Variants in OPA1 observed in about 807,000 individuals in gnomAD.
The protein encoded by OPA1 is OPA1 mitochondrial dynamin like GTPase.
In OPA1, 59 loss-of-function variants were observed where a neutral mutation model predicts 152.9. The observed-to-expected ratio is 0.39, with a 90% CI of 0.31 to 0.48. The LOEUF (loss-of-function observed/expected upper bound fraction) is 0.48. Among genes scored for constraint, OPA1 ranks in the 20% least tolerant of loss-of-function variants. OPA1 has a pLI of 0.96. For missense variants in OPA1, 1,008 were observed against 1,216.8 expected (o/e 0.83, Z 2.55); for synonymous variants, 400 against 389.9 (o/e 1.03, Z -0.31).
chr3:193,672,205 GTTCT>G (rs1213769911), intron 29 of OPA1, among the ~76,000 whole-genome samples: 1 of 152,104 alleles, frequency 6.6e-6, no homozygotes, highest in Non-Finnish European at 1.5e-5. Flanking sequence ...ATTCAAAGTT[GTTCT>G]TTCTATTATG....
At chr3:193,676,992 A>G (rs1373650441) in intron 29 of OPA1, among the ~76,000 whole-genome samples, 4 of 151,176 alleles carry the variant, frequency 2.6e-5, no homozygotes, top group Non-Finnish European at 5.9e-5. Context: ...AAAAAAAAAA[A>G]AAAAAAAAAA....
chr3:193,659,494 T>C lies in OPA1; in HGVS notation c.2453T>C (p.Ile818Thr), dbSNP rs867856681. The change falls in exon 25 of 31, where the codon ATT becomes ACT. Residue 818 changes from isoleucine (I) to threonine (T), a missense_variant. Coordinates refer to ENST00000361510, the MANE Select transcript of OPA1 (RefSeq NM_130837.3). Reference protein sequence around the residue: ...QARLKDTENAIENMVGPDWKK... With the variant: ...QARLKDTENATENMVGPDWKK... Reference sequence around the variant, plus strand: ...TTTTTTTTTCTAGCTGAAAATGCAATTGAAAACATGGTGGGTCCAGACTGG... The same window carrying C: ...TTTTTTTTTCTAGCTGAAAATGCAACTGAAAACATGGTGGGTCCAGACTGG... The C allele has an allele frequency of 2.5e-6, 4 of 1,610,448 alleles. No individual in the cohort carries two copies. Among genetic ancestry groups the C allele is most frequent in the Non-Finnish European group, 2.5e-6 (3 of 1,177,994 alleles).
chr3:193,655,578 T>TAATAGC (rs1713604289), intron 22 of OPA1, among the ~76,000 whole-genome samples: 1 of 152,224 alleles, frequency 6.6e-6, no homozygotes. Context: ...GTGTGATCCT[T>TAATAGC]TGCCTAGTTG....
chr3:193,690,754 G>C (rs1166986018), intron 29 of OPA1, among the ~76,000 whole-genome samples: 1 of 152,116 alleles, frequency 6.6e-6, no homozygotes. Flanking sequence ...AATATTAAAT[G>C]CATCTTACAT....
chr3:193,625,561 G>T (rs1313538307), intron 6 of OPA1, among the ~76,000 whole-genome samples: 1 of 151,766 alleles, frequency 6.6e-6, no homozygotes, highest in Non-Finnish European at 1.5e-5. Flanking sequence ...GTATGCAAAG[G>T]CACATAGAAT....
Position 193,658,904 on chromosome 3 carries a change from T to G in OPA1, c.2349T>G (p.Asn783Lys), listed in dbSNP as rs1292852465. ...AEDSLRVIQH[N>K]ALEDRSISDK... is the part of the protein sequence containing the mutation. Reference sequence around the variant, plus strand: ...ATTTTCAGAGGGTTATTCAACACAATGCTTTGGAAGACCGATCCATATCTG... The same window carrying G: ...ATTTTCAGAGGGTTATTCAACACAAGGCTTTGGAAGACCGATCCATATCTG... The change falls in exon 24 of 31, where the codon AAT (asparagine) becomes AAG (lysine). Residue 783 changes from asparagine (N) to lysine (K), a missense_variant. This residue lies in a region of OPA1 where 229 missense variants were observed against 269.0 expected (regional missense o/e 0.85). Coordinates refer to ENST00000361510, the MANE Select transcript of OPA1 (RefSeq NM_130837.3). 1 of 1,613,542 alleles carries G rather than the reference T, an allele frequency of 6.2e-7. No homozygotes were observed.
chr3:193,599,227 C>T (rs1302335635), intron 1 of OPA1, among the ~76,000 whole-genome samples: 1 of 152,148 alleles, frequency 6.6e-6, no homozygotes, highest in African/African-American at 2.4e-5. Context: ...CTCAGGAACT[C>T]TGTAGTTCCC....
chr3:193,641,936 G>A (rs921184190), intron 11 of OPA1, among the ~76,000 whole-genome samples: 7 of 152,136 alleles, frequency 4.6e-5, no homozygotes, highest in Admixed American at 3.3e-4. Flanking sequence ...CCAACATGGC[G>A]AAACCCTGTC....
intron 29 of OPA1, among the ~76,000 whole-genome samples, chr3:193,673,512 G>A (rs1718366517): frequency 1.3e-5 from 2 of 152,150 alleles, no homozygotes; most frequent in African/African-American, 2.4e-5. Context: ...TCCACCATGC[G>A]TAAGTAGTGT....
chr3:193,638,151 T>C, intron 11 of OPA1, 86 bp downstream of exon 11: 1 of 948,402 alleles, frequency 1.1e-6, no homozygotes, highest in Non-Finnish European at 1.7e-6. Flanking sequence ...ATGAGGACTT[T>C]TAACCAAAGA....
At chr3:193,618,979 A>AT (rs751938009) in intron 6 of OPA1, 43 bp downstream of exon 6, 3 of 1,509,970 alleles carry the variant, frequency 2.0e-6, no homozygotes, top group African/African-American at 2.7e-5. Context: ...GTCTTGAAAG[A>AT]TTTTTTAAAG....
chr3:193,688,952 C>T (rs1372583414), intron 29 of OPA1: 1 of 152,210 alleles, frequency 6.6e-6, no homozygotes, highest in Non-Finnish European at 1.5e-5. Context: ...CATCACTGCA[C>T]TCCTGGGTGA....
At position 193,658,903 on chromosome 3, in the gene OPA1, A is replaced by G. The variant is rs749143995; in HGVS notation, c.2348A>G (p.Asn783Ser). 3.7e-6 allele frequency: 6 copies of G among 1,613,394 alleles called. No individual in the cohort carries two copies. The highest frequency in any genetic ancestry group is 1.7e-5 in the Admixed American group (1 of 60,002). ...TATTTTCAGAGGGTTATTCAACACA[A>G]TGCTTTGGAAGACCGATCCATATCT... ...AEDSLRVIQHNALEDRSISDK... is the reference protein window; with the variant it reads ...AEDSLRVIQHSALEDRSISDK... The change falls in exon 24 of 31, where the codon AAT becomes AGT. Residue 783 changes from asparagine (N) to serine (S), a missense_variant. Asn to Ser is a conservative substitution (Grantham distance 46, BLOSUM62 1). This residue lies in a region of OPA1 where 229 missense variants were observed against 269.0 expected (regional missense o/e 0.85). Transcript: ENST00000361510.
intron 7 of OPA1, 30 bp downstream of exon 7, chr3:193,626,232 A>G: frequency 1.4e-6 from 2 of 1,469,436 alleles, no homozygotes; most frequent in Non-Finnish European, 1.9e-6. Context: ...GGCTACCGAT[A>G]CATTCACACT....
chr3:193,663,028 C>CT, intron 26 of OPA1, 66 bp downstream of exon 26: 1 of 1,507,102 alleles, frequency 6.6e-7, no homozygotes, highest in Non-Finnish European at 9.2e-7. Flanking sequence ...GTAAATGTTA[C>CT]TACATGTGTT....
intron 6 of OPA1, among the ~76,000 whole-genome samples, chr3:193,621,604 T>C (rs1001757283): frequency 6.6e-6 from 1 of 152,242 alleles, no homozygotes; most frequent in Non-Finnish European, 1.5e-5. Context: ...AGTTCTGATA[T>C]GATTTGATTA....
intron 29 of OPA1, among the ~76,000 whole-genome samples, chr3:193,667,830 A>G (rs940481421): frequency 2.6e-5 from 4 of 152,182 alleles, no homozygotes; most frequent in African/African-American, 9.7e-5. Context: ...AAATTACAAT[A>G]TCTAATTCTC....
At chr3:193,627,490 G>A (rs992950893) in intron 7 of OPA1, among the ~76,000 whole-genome samples, 1 of 152,176 alleles carries the variant, frequency 6.6e-6, no homozygotes, top group Non-Finnish European at 1.5e-5. Flanking sequence ...CTTAGGCTGA[G>A]CCACCTATAC....
chr3:193,603,606 C>T (rs1726785418), intron 1 of OPA1: 1 of 152,200 alleles, frequency 6.6e-6, no homozygotes, highest in Admixed American at 6.5e-5. Flanking sequence ...ACGTACTACT[C>T]CAAAAGCATG....
Sources: allele counts gnomAD v4.1 joint callset (sites outside exome capture counted in the v4.1 genomes callset), GRCh38; gene constraint gnomAD v4.1.1; regional missense constraint gnomAD v4.1.1; transcripts MANE v1.5; gene names NCBI Gene and HGNC (gene_info 2026-07-23, HGNC 2026-07-21).